CPNE1: variants seen among roughly 807,000 people sequenced by gnomAD.
The protein encoded by CPNE1 is copine 1.
In CPNE1, 58 loss-of-function variants were observed where a neutral mutation model predicts 63.2. The ratio of observed to expected loss-of-function variants is 0.92; its 90% CI spans 0.74 to 1.14. The LOEUF (loss-of-function observed/expected upper bound fraction) is 1.14, where lower values mean the gene tolerates loss of function less well. CPNE1 is among the 50% of genes most tolerant of loss of function. The pLI, the probability that CPNE1 is intolerant of heterozygous loss-of-function variation, is 0.00. For synonymous variants in CPNE1, 237 were observed against 249.0 expected, an observed-to-expected ratio of 0.95 and a Z score of 0.45; for missense variants, 672 against 661.7, an observed-to-expected ratio of 1.02 and a Z score of -0.17.
At chr20:35,653,783 T>G in intron 1 of CPNE1, 1 of 1,614,052 alleles carries the variant, frequency 6.2e-7, no homozygotes, top group Non-Finnish European at 8.5e-7. Flanking sequence ...ATCATATCTA[T>G]CTTTTCTAGC....
At chr20:35,657,976 C>T (rs1230736218) in intron 1 of CPNE1, among the ~76,000 whole-genome samples, 1 of 152,036 alleles carries the variant, frequency 6.6e-6, no homozygotes, top group Non-Finnish European at 1.5e-5. Context: ...GCAGAAGAAT[C>T]ACTTGAACCC....
At chr20:35,647,690 G>A (rs1313211112) in intron 1 of CPNE1, among the ~76,000 whole-genome samples, 1 of 151,978 alleles carries the variant, frequency 6.6e-6, no homozygotes, top group Admixed American at 6.6e-5. Context: ...CATACTCTAG[G>A]ATGCTTTTGA....
rs1555880144 is a variant in CPNE1, at chr20:35,652,818, A to AGGGCCAGGGCCG, written c.-1+11941_-1+11942insCGGCCCTGGCCC. 1.9e-5 allele frequency: 30 copies of AGGGCCAGGGCCG among 1,602,474 alleles called. No homozygotes were observed. In the Admixed American group the frequency reaches 2.6e-4, roughly 14 times the overall value. ...GGGGACCACCAATATGGATTGGGCC[A>AGGGCCAGGGCCG]GGGCCGGGGCCGGGGCCGGGGCCAG... On this transcript the variant is annotated intron_variant, in intron 1 of 15. Transcript: ENST00000397443.
chr20:35,646,073 C>T (rs2033076858), intron 1 of CPNE1, among the ~76,000 whole-genome samples: 1 of 151,186 alleles, frequency 6.6e-6, no homozygotes, highest in Admixed American at 6.6e-5. Context: ...TGAAACTACC[C>T]CTCCACTCCA....
intron 1 of CPNE1, among the ~76,000 whole-genome samples, chr20:35,634,698 C>A (rs927943145): frequency 5.3e-5 from 8 of 152,108 alleles, no homozygotes; most frequent in Non-Finnish European, 1.0e-4. Flanking sequence ...CTCTTGCTCA[C>A]TCCATTTCAG....
Position 35,632,674 on chromosome 20 carries a change from C to T in CPNE1, c.152G>A (p.Arg51Gln), listed in dbSNP as rs532811874. The T allele has an allele frequency of 1.2e-4, 137 of 1,150,274 alleles. 2 individuals carry two copies. The South Asian group carries it at 1.4e-3, about 11-fold the overall frequency. 71.3% of individuals were successfully genotyped at this position (1,150,274 alleles called of 1,614,324 possible). ...WAELGRTERV[R>Q]NCSSPEFSKT... ...GGAGAACTCAGGGCTTGAGCAGTTCCGCACCCGTTCAGTCCGGCCAAGCTG... is the reference window on the plus strand; with the variant it reads ...GGAGAACTCAGGGCTTGAGCAGTTCTGCACCCGTTCAGTCCGGCCAAGCTG... The change falls in exon 3 of 16, where the codon CGG (arginine) becomes CAG (glutamine). Residue 51 changes from arginine (R) to glutamine (Q), a missense_variant. Transcript: ENST00000397443.
chr20:35,653,611 T>C, intron 1 of CPNE1: 1 of 1,614,232 alleles, frequency 6.2e-7, no homozygotes, highest in Non-Finnish European at 8.5e-7. Context: ...TACAGCATTT[T>C]CATCCACTGG....
Position 35,630,955 on chromosome 20 carries a change from T to C in CPNE1, c.941A>G (p.Asn314Ser), listed in dbSNP as rs138805916. The stretch of plus-strand genomic sequence containing the variant: ...ACTCCACAGTGCCATCAGGTACTCA[T>C]TGACCCCTGTTGGACTCAGGTAGTG... ...SLHYLSPTGV[N>S]EYLMALWSVG... The change falls in exon 11 of 16, where the codon AAT (asparagine) becomes AGT (serine). Residue 314 changes from asparagine (N) to serine (S), a missense_variant. Coordinates refer to ENST00000397443, the MANE Select transcript of CPNE1 (RefSeq NM_152925.3). 73 of 1,613,838 alleles carry C rather than the reference T, an allele frequency of 4.5e-5. No homozygotes were observed. The highest frequency in any genetic ancestry group is 1.9e-4 in the African/African-American group (14 of 74,928).
intron 1 of CPNE1, chr20:35,643,079 G>A (rs763579392): frequency 1.3e-5 from 2 of 152,328 alleles, no homozygotes; most frequent in Non-Finnish European, 2.9e-5. Flanking sequence ...CTAACTTGAC[G>A]ACAAAACTGG....
intron 1 of CPNE1, among the ~76,000 whole-genome samples, chr20:35,660,065 ATCG>A (rs1324334549): frequency 1.3e-5 from 2 of 152,218 alleles, no homozygotes; most frequent in African/African-American, 4.8e-5. Context: ...CAAACTATTC[ATCG>A]TCTAGTCAAC....
chr20:35,631,278 T>C lies in CPNE1; in HGVS notation c.791A>G (p.Lys264Arg), dbSNP rs11543243. The stretch of plus-strand genomic sequence containing the variant: ...GGGCTTTTGTCTCACCCGACAAATC[T>C]TGACACGGATAGTTCCAGAGTTCTT... ...SYKNSGTIRV[K>R]ICRVETEYSF... Residue 264 changes from lysine to arginine, a missense_variant, in exon 9 of 16, where the codon AAG becomes AGG. By Grantham distance (26) the Lys-to-Arg change is conservative (BLOSUM62 2). Transcript: ENST00000397443. 6.2e-6 allele frequency: 10 copies of C among 1,614,112 alleles called. No homozygotes were observed. Among genetic ancestry groups the C allele is most frequent in the East Asian group, 2.2e-5 (1 of 44,898 alleles).
At chr20:35,644,289 C>T (rs1317494002) in intron 1 of CPNE1, among the ~76,000 whole-genome samples, 5 of 152,130 alleles carry the variant, frequency 3.3e-5, no homozygotes, top group African/African-American at 1.2e-4. Flanking sequence ...CTCTGGTCTA[C>T]CTGCTCCAGG....
rs372870192 is a variant in CPNE1 at position 35,626,333 on chromosome 20, G to T, written c.1522C>A (p.Gln508Lys). 1.4e-4 allele frequency: 220 copies of T among 1,614,026 alleles called. No homozygotes were observed. Among genetic ancestry groups the T allele is most frequent in the Non-Finnish European group, 1.8e-4 (209 of 1,180,028 alleles). Reference protein sequence around the residue: ...AQTVLAEVPTQLVSYFRAQGW... With the variant: ...AQTVLAEVPTKLVSYFRAQGW... Reference sequence around the variant, plus strand: ...TGGGCCCTGAAGTATGAGACCAGTTGTGTGGGCACTTCTGCGAGCACGGTC... The same window carrying T: ...TGGGCCCTGAAGTATGAGACCAGTTTTGTGGGCACTTCTGCGAGCACGGTC... The change falls in exon 16 of 16, where the codon CAA becomes AAA. Residue 508 changes from glutamine to lysine, a missense_variant. Transcript: ENST00000397443.
intron 1 of CPNE1, among the ~76,000 whole-genome samples, chr20:35,637,114 C>G (rs1054204350): frequency 2.0e-5 from 3 of 152,162 alleles, no homozygotes; most frequent in African/African-American, 7.2e-5. Context: ...CTCAAATCTT[C>G]TTGACTGTTC....
intron 1 of CPNE1, 138 bp from the exon 2 acceptor site, chr20:35,633,061 G>A: frequency 1.5e-6 from 1 of 683,186 alleles, no homozygotes; most frequent in Non-Finnish European, 2.5e-6. Context: ...ACCCAAGGAA[G>A]AGAAGGCCTC....
rs768721255 is a variant in CPNE1 at position 35,626,606 on chromosome 20, G to A, written c.1434C>T (p.Arg478=). The part of the protein sequence containing the change: ...LHTRSGQAAA[R]DIVQFVPYRR... The stretch of plus-strand genomic sequence containing the variant: ...GGTAGGGTACAAACTGCACAATGTC[G>A]CGGGCAGCAGCCTGCCCAGAACGTG... The change falls in exon 15 of 16, where the codon CGC becomes CGT. Residue 478 remains arginine (R), a synonymous_variant. Coordinates refer to ENST00000397443, the MANE Select transcript of CPNE1 (RefSeq NM_152925.3). 2.4e-5 allele frequency: 39 copies of A among 1,614,122 alleles called. No individual in the cohort carries two copies. The highest frequency in any genetic ancestry group is 3.1e-5 in the Non-Finnish European group (37 of 1,179,998).
chr20:35,631,063 G>A (rs1024118020), intron 10 of CPNE1, 29 bp from the exon 11 acceptor site: 1 of 1,614,078 alleles, frequency 6.2e-7, no homozygotes, highest in African/African-American at 1.3e-5. Flanking sequence ...GGCAGCTAAA[G>A]GCCACCCTGA....
chr20:35,658,091 T>A (rs1007325259), intron 1 of CPNE1, among the ~76,000 whole-genome samples: 4 of 151,880 alleles, frequency 2.6e-5, no homozygotes, highest in South Asian at 4.2e-4. Flanking sequence ...TAAAAAAAAA[T>A]TTAAAAAAGT....
At chr20:35,643,981 T>C (rs2032969398) in intron 1 of CPNE1, among the ~76,000 whole-genome samples, 1 of 152,176 alleles carries the variant, frequency 6.6e-6, no homozygotes. Context: ...TGAGGAGTCA[T>C]ACAAGCATCC....
Sources: gnomAD v4.1 joint callset for allele counts (sites outside exome capture counted in the v4.1 genomes callset) on GRCh38, gnomAD v4.1.1 for gene constraint, MANE v1.5 for transcripts, NCBI Gene and HGNC (gene_info 2026-07-23, HGNC 2026-07-21) for gene names.